The following PRKCB variants were observed in gnomAD, a reference collection of about 807,000 sequenced individuals.
The protein encoded by PRKCB is protein kinase C beta type.
Under a neutral mutation model 81.5 loss-of-function variants are expected in PRKCB, and 13 were observed. The ratio of observed to expected loss-of-function variants is 0.16; its 90% CI spans 0.10 to 0.25. The LOEUF is 0.25. PRKCB is among the 10% of genes least tolerant of loss of function. The pLI is 1.00. For synonymous variants in PRKCB, 335 were observed against 321.4 expected (o/e 1.04, Z -0.45); for missense variants, 509 against 875.7 (o/e 0.58, Z 5.29).
chr16:24,172,515 A>G (rs1967458676), intron 11 of PRKCB, among the ~76,000 whole-genome samples, 154 bp downstream of exon 11: 2 of 152,098 alleles, frequency 1.3e-5, no homozygotes, highest in South Asian at 4.1e-4. Context: ...GTTCTGCTTA[A>G]TATGAGATAC....
chr16:24,041,111 G>A (rs1018800589), intron 5 of PRKCB, among the ~76,000 whole-genome samples: 4 of 150,440 alleles, frequency 2.7e-5, no homozygotes, highest in African/African-American at 9.8e-5. Context: ...GTGCAGTGGT[G>A]CAATCTCAGC....
At chr16:24,097,079 C>T (rs1966455890) in intron 7 of PRKCB, among the ~76,000 whole-genome samples, 4 of 128,124 alleles carry the variant, frequency 3.1e-5, no homozygotes, top group East Asian at 2.2e-4. Flanking sequence ...CTCTGTCACC[C>T]AGGCTGGAGT....
intron 5 of PRKCB, among the ~76,000 whole-genome samples, chr16:24,090,013 A>T (rs1331055515): frequency 6.6e-6 from 1 of 152,182 alleles, no homozygotes; most frequent in African/African-American, 2.4e-5. Flanking sequence ...ACTGCTTGGT[A>T]AGATGCGGAC....
chr16:23,863,219 CATATATATGTGTAT>C (rs1962710861), intron 2 of PRKCB, among the ~76,000 whole-genome samples: 4 of 79,370 alleles, frequency 5.0e-5, no homozygotes, highest in East Asian at 1.1e-3. Flanking sequence ...TATATACATA[CATATATATGTGTAT>C]ATATATACAT....
At chr16:24,122,206 G>A (rs1020653228) in intron 8 of PRKCB, among the ~76,000 whole-genome samples, 1 of 152,144 alleles carries the variant, frequency 6.6e-6, no homozygotes, top group Non-Finnish European at 1.5e-5. Context: ...GCTCTGAGCA[G>A]AGGGAACAGC....
At chr16:23,865,347 G>A (rs1962754064) in intron 2 of PRKCB, among the ~76,000 whole-genome samples, 1 of 143,216 alleles carries the variant, frequency 7.0e-6, no homozygotes, top group Non-Finnish European at 1.5e-5. Context: ...CTGTCACTCA[G>A]ACTGAGGTAC....
At chr16:23,876,168 A>G (rs1387279931) in intron 2 of PRKCB, among the ~76,000 whole-genome samples, 1 of 152,266 alleles carries the variant, frequency 6.6e-6, no homozygotes, top group Non-Finnish European at 1.5e-5. Flanking sequence ...GGTGTGGGAT[A>G]TAATGGTGAC....
intron 10 of PRKCB, among the ~76,000 whole-genome samples, chr16:24,171,405 G>A (rs897578546): frequency 6.6e-6 from 1 of 152,128 alleles, no homozygotes; most frequent in Admixed American, 6.5e-5. Context: ...AGAGCAGGGT[G>A]GAAGTTGTAG....
At chr16:24,165,032 A>G (rs1967321653) in intron 10 of PRKCB, among the ~76,000 whole-genome samples, 1 of 151,886 alleles carries the variant, frequency 6.6e-6, no homozygotes, top group South Asian at 2.1e-4. Flanking sequence ...ATCGCATTCT[A>G]TTTTATTTAT....
At chr16:23,902,784 C>T (rs867917584) in intron 2 of PRKCB, among the ~76,000 whole-genome samples, 493 of 15,108 alleles carry the variant, frequency 0.033, 20 homozygotes, top group African/African-American at 0.096. Flanking sequence ...CTTCCTTCCT[C>T]CCTCCCTCCC....
chr16:23,965,572 G>A (rs771549740), intron 2 of PRKCB, among the ~76,000 whole-genome samples: 1 of 152,186 alleles, frequency 6.6e-6, no homozygotes, highest in Non-Finnish European at 1.5e-5. Flanking sequence ...GAATTTCTAT[G>A]AACAAATATG....
chr16:23,842,038 G>T (rs1962276991), intron 2 of PRKCB, among the ~76,000 whole-genome samples: 1 of 152,112 alleles, frequency 6.6e-6, no homozygotes, highest in African/African-American at 2.4e-5. Context: ...CAAACTGCCA[G>T]CCTCAAGCCA....
chr16:24,178,085 A>G (rs912820410), intron 12 of PRKCB, among the ~76,000 whole-genome samples: 7 of 152,214 alleles, frequency 4.6e-5, no homozygotes, highest in African/African-American at 1.7e-4. Context: ...TACCTCCTTC[A>G]TCTAAATCTC....
At chr16:23,906,716 T>G (rs574721432) in intron 2 of PRKCB, among the ~76,000 whole-genome samples, 4 of 152,192 alleles carry the variant, frequency 2.6e-5, no homozygotes, top group Non-Finnish European at 5.9e-5. Flanking sequence ...GATCTAGCTT[T>G]ATTTTTTACC....
intron 9 of PRKCB, among the ~76,000 whole-genome samples, chr16:24,148,404 C>T (rs531268373): frequency 5.3e-5 from 8 of 152,276 alleles, no homozygotes; most frequent in African/African-American, 1.9e-4. Flanking sequence ...AGGGCAGGAA[C>T]CTTGTCGTTC....
chr16:24,138,557 AT>A (rs11342996), intron 9 of PRKCB, among the ~76,000 whole-genome samples: 48,077 of 151,408 alleles, frequency 0.32, 7,826 homozygotes, highest in South Asian at 0.46. Context: ...TTATTTATGT[AT>A]TTTTTTTTGG....
chr16:24,061,910 TAAAA>T (rs1210402981), intron 5 of PRKCB, among the ~76,000 whole-genome samples: 4 of 93,760 alleles, frequency 4.3e-5, no homozygotes, highest in Admixed American at 1.2e-4. Flanking sequence ...CTTAAATAAA[TAAAA>T]AAAAAAAAAA....
intron 4 of PRKCB, 44 bp downstream of exon 4, chr16:24,032,291 C>A: frequency 7.1e-7 from 1 of 1,406,702 alleles, no homozygotes; most frequent in Non-Finnish European, 1.0e-6. Context: ...ATGGCAGAAG[C>A]AATGGGAAGG....
chr16:24,085,822 A>C (rs1966305011), intron 5 of PRKCB, among the ~76,000 whole-genome samples: 1 of 152,206 alleles, frequency 6.6e-6, no homozygotes, highest in African/African-American at 2.4e-5. Context: ...GCTCTCCACC[A>C]TTGTTTCACT....
Sources: gnomAD v4.1 joint callset for allele counts (sites outside exome capture counted in the v4.1 genomes callset) on GRCh38, gnomAD v4.1.1 for gene constraint, MANE v1.5 for transcripts, NCBI Gene and HGNC (gene_info 2026-07-23, HGNC 2026-07-21) for gene names.